The following NFIB variants were observed in gnomAD, a reference collection of about 807,000 sequenced individuals.
NFIB encodes the protein nuclear factor 1 B-type.
In NFIB, 11 loss-of-function variants were observed where a neutral mutation model predicts 61.5. The ratio of observed to expected loss-of-function variants is 0.18; its 90% CI spans 0.11 to 0.30. NFIB has a LOEUF of 0.30. NFIB is among the 10% of genes least tolerant of loss of function. The pLI is 1.00. For missense variants in NFIB, 471 were observed against 608.9 expected (o/e 0.77, Z 2.38); for synonymous variants, 260 against 216.5 (o/e 1.20, Z -1.76).
At position 14,088,188 on chromosome 9, in the gene NFIB, CT is replaced by C; in HGVS notation, c.*120del. 1.3e-6 allele frequency: 2 copies of C among 1,487,832 alleles called. No individual in the cohort carries two copies. Among genetic ancestry groups the C allele is most frequent in the Admixed American group, 2.1e-5 (1 of 46,524 alleles). 92.2% of individuals were successfully genotyped at this position (1,487,832 alleles called of 1,614,324 possible). A position where few individuals can be genotyped will look rare whatever the true frequency, so the allele number is the denominator to read the frequency against. On this transcript the variant is annotated 3_prime_UTR_variant, in exon 11 of 11. Coordinates refer to ENST00000380953, the MANE Select transcript of NFIB (RefSeq NM_001190737.2). ...AATTTCTTAAACTATTGTTGTGTTT[CT>C]TTTTCCCTCAGTTGCTTGTTTCTGC... is the stretch of plus-strand genomic sequence containing the variant.
Position 14,120,890 on chromosome 9 carries a change from C to G in NFIB, c.1061-266G>C, listed in dbSNP as rs903612635. On this transcript the variant is annotated intron_variant, in intron 7 of 10. Transcript: ENST00000380953. This position sits in a 1 kb window ranked among gnomAD's most constrained non-coding sequence, Gnocchi z 4.4. ...GTGAGTGGTTACAAAATCAGTTTCT[C>G]TTTTATAGGTTATGTCAATACTTGA... Among the ~76,000 whole-genome samples, 12 of 152,164 alleles carry G rather than the reference C, an allele frequency of 7.9e-5. No homozygotes were observed. The highest frequency in any genetic ancestry group is 2.7e-4 in the African/African-American group (11 of 41,424).
the NFIB span, among the ~76,000 whole-genome samples, chr9:14,449,940 AAAAT>A: frequency 5.3e-5 from 8 of 152,146 alleles, no homozygotes; most frequent in East Asian, 1.9e-4. Flanking sequence ...ATCTTGATTA[AAAAT>A]AAATAAATAA....
chr9:14,309,930 G>T (rs2060205156), intron 1 of NFIB, among the ~76,000 whole-genome samples: 2 of 152,102 alleles, frequency 1.3e-5, no homozygotes, highest in South Asian at 4.2e-4. Flanking sequence ...TTTTACCCTT[G>T]CCATGCTTTT....
chr9:14,322,567 G>C (rs897852239), intron 1 of NFIB, among the ~76,000 whole-genome samples: 6 of 151,944 alleles, frequency 3.9e-5, no homozygotes, highest in Non-Finnish European at 7.4e-5. Context: ...CTCTTTCTCC[G>C]GCTCGCGGCC....
At chr9:14,238,551 A>G (rs2054031021) in intron 2 of NFIB, among the ~76,000 whole-genome samples, 1 of 152,200 alleles carries the variant, frequency 6.6e-6, no homozygotes, top group South Asian at 2.1e-4. Context: ...GTTTCAGTCA[A>G]ATACAAAGAA....
chr9:14,154,655 T>C (rs935979390), intron 4 of NFIB, among the ~76,000 whole-genome samples: 1 of 152,130 alleles, frequency 6.6e-6, no homozygotes, highest in South Asian at 2.1e-4. Context: ...AAAAGACCCA[T>C]GAGAGAAGTC....
At chr9:14,147,842 A>G (rs896561027) in intron 5 of NFIB, among the ~76,000 whole-genome samples, 2 of 151,636 alleles carry the variant, frequency 1.3e-5, no homozygotes, top group Non-Finnish European at 2.9e-5. Flanking sequence ...GGGTTTTGCT[A>G]TTTTGCCCTG....
the NFIB span, among the ~76,000 whole-genome samples, chr9:14,451,222 C>A: frequency 6.6e-6 from 1 of 152,206 alleles, no homozygotes; most frequent in African/African-American, 2.4e-5. Context: ...TATAATTTTT[C>A]AGCAACATTT....
At chr9:14,124,375 T>C (rs1418905040) in intron 7 of NFIB, among the ~76,000 whole-genome samples, 1 of 152,222 alleles carries the variant, frequency 6.6e-6, no homozygotes, top group Non-Finnish European at 1.5e-5. Flanking sequence ...AAAGTTCTTA[T>C]ACCACATTTA....
exon 1 of NFIB, chr9:14,398,850 C>T: frequency 2.2e-6 from 1 of 461,284 alleles, no homozygotes; most frequent in East Asian, 3.7e-5. Flanking sequence ...GGGTCCTGTA[C>T]ACTCGAGGAG....
At chr9:14,091,694 T>C (rs2033928635) in intron 10 of NFIB, among the ~76,000 whole-genome samples, 1 of 152,024 alleles carries the variant, frequency 6.6e-6, no homozygotes, top group Non-Finnish European at 1.5e-5. Context: ...ATCACATTTG[T>C]TTAGGCAAAG....
chr9:14,458,558 G>A, the NFIB span, among the ~76,000 whole-genome samples: 6 of 152,148 alleles, frequency 3.9e-5, no homozygotes, highest in South Asian at 2.1e-4. Flanking sequence ...ATTCAATTAG[G>A]AAAAGAGGAA....
At chr9:14,199,240 G>C (rs1041891965) in intron 2 of NFIB, among the ~76,000 whole-genome samples, 6 of 152,222 alleles carry the variant, frequency 3.9e-5, no homozygotes, top group African/African-American at 1.4e-4. Context: ...TGTTCTGGCA[G>C]CTCCCTGGAA....
At chr9:14,321,569 A>G (rs1350815533) in intron 1 of NFIB, among the ~76,000 whole-genome samples, 1 of 152,250 alleles carries the variant, frequency 6.6e-6, no homozygotes, top group Non-Finnish European at 1.5e-5. Flanking sequence ...AGGTAGAACT[A>G]AAGTATCATT....
chr9:14,281,594 T>C (rs1388627339), intron 2 of NFIB, among the ~76,000 whole-genome samples: 3 of 152,212 alleles, frequency 2.0e-5, no homozygotes, highest in Non-Finnish European at 4.4e-5. Context: ...ATGGATGTAA[T>C]TACAGTTGTT....
chr9:14,377,300 A>G (rs1168940422), intron 1 of NFIB, among the ~76,000 whole-genome samples: 1 of 152,224 alleles, frequency 6.6e-6, no homozygotes, highest in Non-Finnish European at 1.5e-5. Context: ...AGCTCACTCC[A>G]GCCTCAAACT....
At chr9:14,414,365 G>C in the NFIB span, among the ~76,000 whole-genome samples, 1 of 149,804 alleles carries the variant, frequency 6.7e-6, no homozygotes, top group Non-Finnish European at 1.5e-5. Flanking sequence ...AACCCGAGAG[G>C]CAGAGGTTGC....
chr9:14,508,114 T>C, the NFIB span, among the ~76,000 whole-genome samples: 1 of 151,228 alleles, frequency 6.6e-6, no homozygotes, highest in Admixed American at 6.6e-5. Flanking sequence ...CATGTTAATA[T>C]TCATATTATA....
intron 1 of NFIB, among the ~76,000 whole-genome samples, chr9:14,319,807 A>G (rs1020940826): frequency 2.6e-5 from 4 of 152,264 alleles, no homozygotes; most frequent in Admixed American, 6.5e-5. Flanking sequence ...ATAACAATGC[A>G]TAACAACAAA....
Sources: allele counts gnomAD v4.1 joint callset (sites outside exome capture counted in the v4.1 genomes callset), GRCh38; gene constraint gnomAD v4.1.1; non-coding constraint Gnocchi (gnomAD v3.1); transcripts MANE v1.5; gene names NCBI Gene and HGNC (gene_info 2026-07-23, HGNC 2026-07-21).